Variants in LRTM1 observed in about 807,000 individuals in gnomAD.
The protein encoded by LRTM1 is leucine-rich repeat and transmembrane domain-containing protein 1.
LRTM1 carries 38 observed loss-of-function variants against 32.4 expected under a neutral mutation model. The ratio of observed to expected loss-of-function variants is 1.17; its 90% CI spans 0.91 to 1.54. The LOEUF (loss-of-function observed/expected upper bound fraction) is 1.54. LRTM1 is among the 40% of genes most tolerant of loss of function. LRTM1 has a pLI of 0.00. For synonymous variants in LRTM1, 186 were observed against 169.9 expected (o/e 1.09, Z -0.74); for missense variants, 466 against 415.4 (o/e 1.12, Z -1.06).
chr3:54,966,168 G>A (rs1458410664), intron 1 of LRTM1, among the ~76,000 whole-genome samples: 1 of 152,108 alleles, frequency 6.6e-6, no homozygotes, highest in African/African-American at 2.4e-5. Context: ...GGAGACTCAT[G>A]GAAGCTCAAG....
At chr3:54,955,364 G>T (rs1701861446) in intron 1 of LRTM1, among the ~76,000 whole-genome samples, 1 of 152,116 alleles carries the variant, frequency 6.6e-6, no homozygotes, top group African/African-American at 2.4e-5. Flanking sequence ...GGCTGGTGAT[G>T]ACTCCCACTC....
Position 54,918,574 on chromosome 3 carries a change from A to T in LRTM1, c.923T>A (p.Ile308Asn). The change falls in exon 3 of 3, where the codon ATC becomes AAC. Residue 308 changes from isoleucine to asparagine, a missense_variant. Transcript: ENST00000273286. ...GATTGCCGCATAGGTGCAGCCATAG[A>T]TGGCAGCTGCCAACATCATGAGACA... is the stretch of plus-strand genomic sequence containing the variant. ...IVCLMMLAAAIYGCTYAAITA... is the reference protein window; with the variant it reads ...IVCLMMLAAANYGCTYAAITA... 1 of 1,614,094 alleles carries T rather than the reference A, an allele frequency of 6.2e-7. No individual in the cohort carries two copies. Among genetic ancestry groups the T allele is most frequent in the Non-Finnish European group, 8.5e-7 (1 of 1,179,994 alleles).
Position 54,925,120 on chromosome 3 carries a change from C to A in LRTM1, c.103G>T (p.Asp35Tyr). The A allele has an allele frequency of 6.2e-7, 1 of 1,614,092 alleles. No individual in the cohort carries two copies. Among genetic ancestry groups the A allele is most frequent in the Non-Finnish European group, 8.5e-7 (1 of 1,180,026 alleles). The change falls in exon 2 of 3, where the codon GAC becomes TAC. Residue 35 changes from aspartate to tyrosine, a missense_variant. Coordinates refer to ENST00000273286, the MANE Select transcript of LRTM1 (RefSeq NM_020678.4). ...TCGGCCAGACCCTGCTGGCTGCAGT[C>A]TACAAAATTTGTAGATGACTGACAG... is the stretch of plus-strand genomic sequence containing the variant. ...CYCQSSTNFVDCSQQGLAEIP... is the reference protein window; with the variant it reads ...CYCQSSTNFVYCSQQGLAEIP...
intron 1 of LRTM1, among the ~76,000 whole-genome samples, chr3:54,934,244 T>C (rs1446225312): frequency 1.3e-5 from 2 of 152,226 alleles, no homozygotes; most frequent in Non-Finnish European, 2.9e-5. Context: ...AGGTCATTTT[T>C]TACACAACCC....
rs1700728519 is a variant in LRTM1, at chr3:54,918,463, G to A, written c.1034C>T (p.Ala345Val). 1.2e-6 allele frequency: 2 copies of A among 1,612,208 alleles called. No individual in the cohort carries two copies. Among genetic ancestry groups the A allele is most frequent in the African/African-American group, 1.3e-5 (1 of 74,578 alleles). Residue 345 changes from alanine (A) to valine (V), a missense_variant, in exon 3 of 3, where the codon GCC becomes GTC. Transcript: ENST00000273286. ...EEKERFDSSP[A>V] is the part of the protein sequence containing the mutation. ...TCCTATTTGAGACAAAAGCTCTCAG[G>A]CTGGTGAGCTGTCAAATCGCTCTTT...
chr3:54,938,455 C>A (rs1401499366), intron 1 of LRTM1, among the ~76,000 whole-genome samples: 1 of 152,184 alleles, frequency 6.6e-6, no homozygotes, highest in East Asian at 1.9e-4. Context: ...TGGCACCATG[C>A]TAACATAATC....
intron 1 of LRTM1, among the ~76,000 whole-genome samples, chr3:54,963,009 A>G (rs1255122253): frequency 6.6e-6 from 1 of 152,220 alleles, no homozygotes; most frequent in East Asian, 1.9e-4. Context: ...ACTTGAATGC[A>G]TGTCTATTAA....
In LRTM1 at chr3:54,918,388, G is replaced by T. The variant is rs1700725023; in HGVS notation, c.*71C>A. 3.4e-6 allele frequency: 3 copies of T among 892,466 alleles called. No homozygotes were observed. The highest frequency in any genetic ancestry group is 4.7e-6 in the Non-Finnish European group (3 of 638,938). The allele number at this position is 892,466 out of a possible 1,614,324, so 55.3% of individuals were successfully genotyped here. A position where few individuals can be genotyped will look rare whatever the true frequency, so the allele number is the denominator to read the frequency against. On this transcript the variant is annotated 3_prime_UTR_variant, in exon 3 of 3. Coordinates refer to ENST00000273286, the MANE Select transcript of LRTM1 (RefSeq NM_020678.4). ...GGCAAAAGCAAAATCAGACTAACAGGAAACACATCAGCCCTACTCAGACAC... is the reference window on the plus strand; with the variant it reads ...GGCAAAAGCAAAATCAGACTAACAGTAAACACATCAGCCCTACTCAGACAC...
At chr3:54,947,515 T>C (rs1470514459) in intron 1 of LRTM1, among the ~76,000 whole-genome samples, 5 of 152,138 alleles carry the variant, frequency 3.3e-5, no homozygotes, top group Non-Finnish European at 7.4e-5. Flanking sequence ...GGAGAACCTA[T>C]ACTGTTGAGT....
rs756687080 is a variant in LRTM1, at chr3:54,925,114, T to G, written c.109A>C (p.Ser37Arg). ...CQSSTNFVDC[S>R]QQGLAEIPSH... ...GGGATTTCGGCCAGACCCTGCTGGC[T>G]GCAGTCTACAAAATTTGTAGATGAC... The change falls in exon 2 of 3, where the codon AGC becomes CGC. Residue 37 changes from serine to arginine, a missense_variant. Coordinates refer to ENST00000273286, the MANE Select transcript of LRTM1 (RefSeq NM_020678.4). 6 of 1,614,120 alleles carry G rather than the reference T, an allele frequency of 3.7e-6. No individual in the cohort carries two copies. Among genetic ancestry groups the G allele is most frequent in the Non-Finnish European group, 4.2e-6 (5 of 1,180,004 alleles).
chr3:54,959,821 G>C (rs1006652579), intron 1 of LRTM1, among the ~76,000 whole-genome samples: 51 of 152,112 alleles, frequency 3.4e-4, no homozygotes, highest in African/African-American at 1.2e-3. Flanking sequence ...AAAATGATCT[G>C]ACAAAAACAA....
At chr3:54,957,626 T>A (rs1198367897) in intron 1 of LRTM1, among the ~76,000 whole-genome samples, 9 of 151,994 alleles carry the variant, frequency 5.9e-5, no homozygotes, top group African/African-American at 9.7e-5. Context: ...GGTGGGGAAG[T>A]GCTGTAACTG....
chr3:54,936,908 C>T (rs975662321), intron 1 of LRTM1, among the ~76,000 whole-genome samples: 2 of 152,082 alleles, frequency 1.3e-5, no homozygotes, highest in Non-Finnish European at 2.9e-5. Context: ...AAATAAACTC[C>T]GTGTATGCTC....
chr3:54,936,839 G>A (rs551695004), intron 1 of LRTM1, among the ~76,000 whole-genome samples: 1 of 152,290 alleles, frequency 6.6e-6, no homozygotes, highest in Non-Finnish European at 1.5e-5. Flanking sequence ...TGTTCAACAA[G>A]CAAGCTCCTT....
intron 1 of LRTM1, among the ~76,000 whole-genome samples, chr3:54,938,439 A>G (rs547169525): frequency 6.6e-6 from 1 of 152,294 alleles, no homozygotes; most frequent in Admixed American, 6.5e-5. Context: ...TTAGATAGCC[A>G]ACTGGTGGCA....
upstream of LRTM1, among the ~76,000 whole-genome samples, chr3:54,932,356 T>C (rs905824338): frequency 6.7e-6 from 1 of 148,168 alleles, no homozygotes; most frequent in South Asian, 2.1e-4. Context: ...TAAATACGCG[T>C]TGGTTTGTCT....
At chr3:54,934,953 G>T (rs1701293316) in intron 1 of LRTM1, among the ~76,000 whole-genome samples, 1 of 152,162 alleles carries the variant, frequency 6.6e-6, no homozygotes, top group South Asian at 2.1e-4. Context: ...GGCCAGGCTG[G>T]TCTCGAACTC....
rs187069954 is a variant in LRTM1 at position 54,942,901 on chromosome 3, G to A, written c.-221-17686C>T. Among the ~76,000 whole-genome samples, 6 of 152,268 alleles carry A rather than the reference G, an allele frequency of 3.9e-5. No individual in the cohort carries two copies. In the East Asian group the frequency reaches 1.2e-3, roughly 29 times the overall value. On this transcript the variant is annotated intron_variant, in intron 1 of 2. Transcript: ENST00000493075. ...TAGCCAGGCGCGGTGGCACGTGCCT[G>A]TAGTCCCAGCTACTCAGGAGGCTGA...
intron 1 of LRTM1, among the ~76,000 whole-genome samples, chr3:54,944,014 C>A (rs6804643): frequency 0.16 from 24,532 of 152,206 alleles, 2,458 homozygotes; most frequent in African/African-American, 0.29. Context: ...ATTTGACTGG[C>A]CATAGAATAC....
Sources: allele counts gnomAD v4.1 joint callset (sites outside exome capture counted in the v4.1 genomes callset), GRCh38; gene constraint gnomAD v4.1.1; transcripts MANE v1.5; gene names NCBI Gene and HGNC (gene_info 2026-07-23, HGNC 2026-07-21).